The following GK variants were observed in gnomAD, a reference collection of about 807,000 sequenced individuals.
GK encodes glycerol kinase.
A neutral mutation model predicts 56.4 loss-of-function variants in GK; 9 were observed. The ratio of observed to expected loss-of-function variants is 0.16; its 90% CI spans 0.10 to 0.28. GK has a LOEUF of 0.28. Among genes scored for constraint, GK ranks in the 10% least tolerant of loss-of-function variants. The probability of loss-of-function intolerance (pLI) is 1.00; values close to 1 mark genes in which losing one functional copy is unlikely to be tolerated. For synonymous variants in GK, 104 were observed against 144.1 expected (o/e 0.72, Z 1.99); for missense variants, 161 against 431.4 (o/e 0.37, Z 5.55).
At chrX:30,661,421 A>G (rs936526828) in intron 1 of GK, among the ~76,000 whole-genome samples, 1 of 110,121 alleles carries the variant, frequency 9.1e-6, no homozygotes, top group Non-Finnish European at 1.9e-5. Flanking sequence ...CGGCCCTCCT[A>G]GTGGAGGCCT....
chrX:30,657,904 A>G (rs1184857106), intron 1 of GK, among the ~76,000 whole-genome samples: 1 of 112,425 alleles, frequency 8.9e-6, no homozygotes, highest in Non-Finnish European at 1.9e-5. Flanking sequence ...AAACATACTT[A>G]TAAATTGGTT....
intron 9 of GK, among the ~76,000 whole-genome samples, chrX:30,699,367 A>AT (rs1569162338): frequency 5.4e-5 from 3 of 55,322 alleles, no homozygotes; most frequent in African/African-American, 1.9e-4. Flanking sequence ...ATACACACAC[A>AT]CTTTTTTTTT....
rs372792338 is a variant in GK at position 30,691,226 on chromosome X, T to C, written c.414+27T>C. On this transcript the variant is annotated intron_variant, in intron 5 of 20. Coordinates refer to ENST00000427190, the MANE Select transcript of GK (RefSeq NM_001205019.2). ...TAAGAATTTCTTCAGAAGTATACTA[T>C]AAGAATGTTTCTTTTTTTAAAAAAA... The C allele has an allele frequency of 1.8e-5, 15 of 838,020 alleles. No individual in the cohort carries two copies. The East Asian group carries it at 3.4e-4, about 19-fold the overall frequency. 69.1% of individuals were successfully genotyped at this position (838,020 alleles called of 1,213,427 possible).
At chrX:30,693,011 C>CTTTTTT (rs1184645786) in intron 5 of GK, among the ~76,000 whole-genome samples, 208 of 56,589 alleles carry the variant, frequency 3.7e-3, no homozygotes, top group African/African-American at 5.5e-3. Context: ...TTTTTCTTTT[C>CTTTTTT]TTTTTTTTTT....
chrX:30,669,480 C>T (rs920511311), intron 3 of GK, among the ~76,000 whole-genome samples: 2 of 110,794 alleles, frequency 1.8e-5, no homozygotes, highest in Admixed American at 9.6e-5. Context: ...CCGCGCCCAG[C>T]GAAGTCCTAG....
intron 18 of GK, among the ~76,000 whole-genome samples, chrX:30,722,645 G>C (rs1936958364): frequency 8.9e-6 from 1 of 112,409 alleles, no homozygotes; most frequent in Admixed American, 9.4e-5. Flanking sequence ...GCCAGAGACT[G>C]TACTGATGTG....
At chrX:30,720,382 A>G (rs1936839268) in intron 16 of GK, among the ~76,000 whole-genome samples, 1 of 111,385 alleles carries the variant, frequency 9.0e-6, no homozygotes, top group Non-Finnish European at 1.9e-5. Context: ...AGGCAGAAAA[A>G]CAGGGTGCAA....
At chrX:30,669,418 G>A (rs1452679812) in intron 3 of GK, among the ~76,000 whole-genome samples, 3 of 110,342 alleles carry the variant, frequency 2.7e-5, no homozygotes, top group East Asian at 2.9e-4. Context: ...TCCTGACCTC[G>A]TGACCCGCCC....
At chrX:30,678,852 A>ATTTTTTTTTTT (rs58342528) in intron 4 of GK, among the ~76,000 whole-genome samples, 2 of 77,185 alleles carry the variant, frequency 2.6e-5, no homozygotes, top group Non-Finnish European at 4.9e-5. Context: ...ATGCCCAGCT[A>ATTTTTTTTTTT]TTTTTTTTTT....
At chrX:30,719,712 G>A (rs1219375272) in intron 15 of GK, among the ~76,000 whole-genome samples, 197 bp downstream of exon 15, 2 of 111,985 alleles carry the variant, frequency 1.8e-5, no homozygotes, top group Non-Finnish European at 3.8e-5. Context: ...TGCCATATCC[G>A]TATTCATGTT....
intron 6 of GK, chrX:30,695,246 G>T: frequency 3.4e-6 from 2 of 594,983 alleles, no homozygotes; most frequent in Non-Finnish European, 4.4e-6. Flanking sequence ...TCAGAAAGAG[G>T]CACCTTCTTC....
At chrX:30,699,009 A>G (rs1246962736) in intron 9 of GK, among the ~76,000 whole-genome samples, 2 of 107,166 alleles carry the variant, frequency 1.9e-5, no homozygotes, top group African/African-American at 6.7e-5. Flanking sequence ...TTTCTTCATT[A>G]TCATAGCTAT....
Position 30,729,016 on chromosome X carries a change from A to G in GK, c.*274A>G. Reference sequence around the variant, plus strand: ...TGGGGCTGACCCCCTCCATTGCCATAACATCCTGCTCCATTCCCTCTAAGA... The same window carrying G: ...TGGGGCTGACCCCCTCCATTGCCATGACATCCTGCTCCATTCCCTCTAAGA... On this transcript the variant is annotated 3_prime_UTR_variant, in exon 21 of 21. Transcript: ENST00000427190. The G allele has an allele frequency of 2.7e-6, 1 of 373,236 alleles. No individual in the cohort carries two copies. Among genetic ancestry groups the G allele is most frequent in the East Asian group, 4.5e-5 (1 of 22,442 alleles). The allele number at this position is 373,236 out of a possible 1,213,427, so 30.8% of individuals were successfully genotyped here.
intron 11 of GK, among the ~76,000 whole-genome samples, chrX:30,702,743 G>T: frequency 8.9e-6 from 1 of 112,496 alleles, no homozygotes; most frequent in East Asian, 2.8e-4. Context: ...TTTTCTTGAG[G>T]ATTTCCTAAT....
intron 9 of GK, among the ~76,000 whole-genome samples, chrX:30,699,666 G>A (rs1935536545): frequency 1.8e-5 from 2 of 109,808 alleles, no homozygotes; most frequent in South Asian, 7.7e-4. Flanking sequence ...GCCCGGCTGG[G>A]GATCCTATTT....
chrX:30,679,353 G>A (rs964720863), intron 4 of GK, among the ~76,000 whole-genome samples: 1 of 109,625 alleles, frequency 9.1e-6, no homozygotes, highest in South Asian at 4.0e-4. Context: ...AAGTAGCTGG[G>A]ATTATAGGTG....
Position 30,718,474 on chromosome X carries a change from T to C in GK, c.976-64T>C, listed in dbSNP as rs762735803. Reference sequence around the variant, plus strand: ...ATCTGATTGTGTCATACACAGAATATGCTCAATAAAAACCTTGGATAGTGA... The same window carrying C: ...ATCTGATTGTGTCATACACAGAATACGCTCAATAAAAACCTTGGATAGTGA... On this transcript the variant is annotated intron_variant, in intron 13 of 20. Coordinates refer to ENST00000427190, the MANE Select transcript of GK (RefSeq NM_001205019.2). 8.0e-5 allele frequency: 57 copies of C among 716,663 alleles called. No homozygotes were observed. The African/African-American group carries it at 8.4e-4, about 11-fold the overall frequency. 59.1% of individuals were successfully genotyped at this position (716,663 alleles called of 1,213,427 possible).
rs371103817 is a variant in GK, at chrX:30,708,032, CT to C, written c.895-12del. On this transcript the variant is annotated intron_variant, in intron 12 of 20. Coordinates refer to ENST00000427190, the MANE Select transcript of GK (RefSeq NM_001205019.2). ...TCTTTTCATTTTCCACTACTGAAAT[CT>C]TTTTTTTTTCTTTCTTACAGTGTGT... 9,131 of 936,180 alleles carry C rather than the reference CT, an allele frequency of 9.8e-3. 20 individuals are homozygous for C. Among genetic ancestry groups the C allele is most frequent in the Non-Finnish European group, 0.012 (7,680 of 667,278 alleles). The allele number at this position is 936,180 out of a possible 1,213,427, so 77.2% of individuals were successfully genotyped here. A position where few individuals can be genotyped will look rare whatever the true frequency, so the allele number is the denominator to read the frequency against.
At chrX:30,667,153 C>CA (rs989159475) in intron 2 of GK, among the ~76,000 whole-genome samples, 29 of 107,799 alleles carry the variant, frequency 2.7e-4, no homozygotes, top group Non-Finnish European at 5.0e-4. Flanking sequence ...GACTCCATCT[C>CA]AAAAAAAATA....
Sources: allele counts gnomAD v4.1 joint callset (sites outside exome capture counted in the v4.1 genomes callset), GRCh38; gene constraint gnomAD v4.1.1; transcripts MANE v1.5; gene names NCBI Gene and HGNC (gene_info 2026-07-23, HGNC 2026-07-21).